The following CD24 variants were observed in gnomAD, a reference collection of about 807,000 sequenced individuals.
CD24 encodes CD24 molecule.
In CD24, 2 loss-of-function variants were observed where a neutral mutation model predicts 3.6. The observed-to-expected ratio is 0.56, with a 90% CI of 0.23 to 1.77. The LOEUF (loss-of-function observed/expected upper bound fraction) is 1.77, where lower values mean the gene tolerates loss of function less well. CD24 is among the 40% of genes most tolerant of loss of function. The probability of loss-of-function intolerance (pLI) is 0.18; values close to 1 mark genes in which losing one functional copy is unlikely to be tolerated. For missense variants in CD24, 62 were observed against 93.6 expected (o/e 0.66, Z 1.39); for synonymous variants, 33 against 44.9 (o/e 0.74, Z 1.06).
chr6:106,973,673 C>T (rs1311951708), intron 1 of CD24: 2 of 398,676 alleles, frequency 5.0e-6, no homozygotes, highest in Admixed American at 4.4e-5. Context: ...AACGTACCTT[C>T]TTCGCCCCCG....
chr6:106,975,862 A>C (rs1305183057), upstream of CD24, among the ~76,000 whole-genome samples: 1 of 152,262 alleles, frequency 6.6e-6, no homozygotes, highest in Non-Finnish European at 1.5e-5. Context: ...CATTCGTTTA[A>C]AGAGCAGAAC....
At chr6:106,974,021 C>T (rs1254950136) in intron 1 of CD24, 1 of 397,626 alleles carries the variant, frequency 2.5e-6, no homozygotes, top group African/African-American at 2.1e-5. Flanking sequence ...CAGCCCGGAA[C>T]CGGGGTTTGT....
chr6:106,973,841 C>T (rs1327849239), intron 1 of CD24: 1 of 398,438 alleles, frequency 2.5e-6, no homozygotes, highest in Non-Finnish European at 4.4e-6. Context: ...TAGCGGCGAC[C>T]CGAACAAAGC....
rs1406803659 is a variant in CD24 at position 106,969,933 on chromosome 6, T to C, written c.*1728A>G. On this transcript the variant is annotated 3_prime_UTR_variant, in exon 2 of 2. Coordinates refer to ENST00000606017, the MANE Select transcript of CD24 (RefSeq NM_001359084.1). Reference sequence around the variant, plus strand: ...AAAGCGTAAATACACAAACACAATATACAATCCAAAATAGATGTACAGCAT... The same window carrying C: ...AAAGCGTAAATACACAAACACAATACACAATCCAAAATAGATGTACAGCAT... The C allele has an allele frequency of 6.6e-6, 1 of 152,410 alleles. No individual in the cohort carries two copies. Among genetic ancestry groups the C allele is most frequent in the African/African-American group, 2.4e-5 (1 of 41,372 alleles). 9.4% of individuals were successfully genotyped at this position (152,410 alleles called of 1,614,324 possible).
At chr6:106,972,144 T>C (rs891364792) in intron 1 of CD24, among the ~76,000 whole-genome samples, 3 of 152,138 alleles carry the variant, frequency 2.0e-5, no homozygotes, top group Non-Finnish European at 4.4e-5. Flanking sequence ...TAATTCAGTT[T>C]CCAAGATTAT....
rs1296128356 is a variant in CD24, at chr6:106,970,158, T to A, written c.*1503A>T. ...AAAGACTTCGGGGAGTGTCTATTTTTAAAAAGGTTTATGTGTGTCGAGGCA... is the reference window on the plus strand; with the variant it reads ...AAAGACTTCGGGGAGTGTCTATTTTAAAAAAGGTTTATGTGTGTCGAGGCA... On this transcript the variant is annotated 3_prime_UTR_variant, in exon 2 of 2. Transcript: ENST00000606017. 4 of 152,450 alleles carry A rather than the reference T, an allele frequency of 2.6e-5. No homozygotes were observed. The highest frequency in any genetic ancestry group is 5.9e-5 in the Non-Finnish European group (4 of 68,044). 9.4% of individuals were successfully genotyped at this position (152,450 alleles called of 1,614,324 possible).
At chr6:106,974,730 G>A (rs1326075566), upstream of CD24, 9 of 1,398,732 alleles carry the variant, frequency 6.4e-6, no homozygotes, top group South Asian at 1.4e-5. Context: ...CAGGCAAGGT[G>A]GGGAGCGCGG....
intron 1 of CD24, 41 bp downstream of exon 1, chr6:106,974,537 C>G (rs1250770965): frequency 8.6e-6 from 11 of 1,279,440 alleles, no homozygotes; most frequent in Non-Finnish European, 7.2e-6. Flanking sequence ...GCCCCCACCC[C>G]GGGAACGGCC....
chr6:106,974,694 G>A lies in CD24; in HGVS notation c.-48C>T, dbSNP rs2114901916. On this transcript the variant is annotated 5_prime_UTR_variant, in exon 1 of 2. Transcript: ENST00000606017. ...GCGTCTAGCAGGATGCTGGGTGCTT[G>A]GAGAACCGCTGGCTCCGGGCGGGCG... The A allele has an allele frequency of 2.0e-6, 3 of 1,482,652 alleles. No individual in the cohort carries two copies. Among genetic ancestry groups the A allele is most frequent in the African/African-American group, 1.5e-5 (1 of 68,610 alleles). The allele number at this position is 1,482,652 out of a possible 1,614,324, so 91.8% of individuals were successfully genotyped here.
chr6:106,973,397 C>T (rs2114899835), intron 1 of CD24: 1 of 359,610 alleles, frequency 2.8e-6, no homozygotes, highest in East Asian at 4.1e-5. Context: ...CCGCGCCCCT[C>T]CCCCATCAAA....
At chr6:106,976,744 G>A (rs1263891943), upstream of CD24, among the ~76,000 whole-genome samples, 1 of 152,080 alleles carries the variant, frequency 6.6e-6, no homozygotes, top group Non-Finnish European at 1.5e-5. Flanking sequence ...GCTCATACCT[G>A]TAATCCCAGC....
Position 106,971,782 on chromosome 6 carries a change from G to C in CD24, c.122C>G (p.Thr41Ser). 2 of 1,551,478 alleles carry C rather than the reference G, an allele frequency of 1.3e-6. No homozygotes were observed. Among genetic ancestry groups the C allele is most frequent in the Non-Finnish European group, 1.7e-6 (2 of 1,146,804 alleles). Reference protein sequence around the residue: ...TGTSSNSSQSTSNSGLAPNPT... With the variant: ...TGTSSNSSQSSSNSGLAPNPT... Reference sequence around the variant, plus strand: ...ATTTGGGGCCAACCCAGAGTTGGAAGTACTCTGGGAGGAGTTACTTGAAGT... The same window carrying C: ...ATTTGGGGCCAACCCAGAGTTGGAACTACTCTGGGAGGAGTTACTTGAAGT... Residue 41 changes from threonine to serine, a missense_variant, in exon 2 of 2, where the codon ACT becomes AGT. Thr to Ser is a moderately conservative substitution (Grantham distance 58). Transcript: ENST00000606017.
At chr6:106,973,674 T>C in intron 1 of CD24, 1 of 398,690 alleles carries the variant, frequency 2.5e-6, no homozygotes. Flanking sequence ...ACGTACCTTC[T>C]TCGCCCCCGC....
chr6:106,973,982 G>A (rs1442485768), intron 1 of CD24: 9 of 398,128 alleles, frequency 2.3e-5, no homozygotes, highest in Non-Finnish European at 4.0e-5. Flanking sequence ...AGAGAGCGCA[G>A]CGTCAGGAGA....
intron 1 of CD24, chr6:106,973,364 T>C (rs1773018916): frequency 3.1e-6 from 1 of 317,918 alleles, no homozygotes; most frequent in Non-Finnish European, 5.7e-6. Context: ...GGGCGGGGAG[T>C]GGAGGGGGCC....
intron 1 of CD24, chr6:106,973,625 C>T (rs1245654386): frequency 2.5e-6 from 1 of 398,372 alleles, no homozygotes; most frequent in African/African-American, 2.1e-5. Flanking sequence ...GCTGGAGAGC[C>T]GTCACTCCCA....
Position 106,970,143 on chromosome 6 carries a change from G to A in CD24, c.*1518C>T, listed in dbSNP as rs2114895916. 3 of 152,584 alleles carry A rather than the reference G, an allele frequency of 2.0e-5. No homozygotes were observed. In the South Asian group the frequency reaches 6.2e-4, roughly 32 times the overall value. 9.5% of individuals were successfully genotyped at this position (152,584 alleles called of 1,614,324 possible). A position where few individuals can be genotyped will look rare whatever the true frequency, so the allele number is the denominator to read the frequency against. On this transcript the variant is annotated 3_prime_UTR_variant, in exon 2 of 2. Coordinates refer to ENST00000606017, the MANE Select transcript of CD24 (RefSeq NM_001359084.1). ...GTGACCATGCGAACAAAAGACTTCG[G>A]GGAGTGTCTATTTTTAAAAAGGTTT...
Position 106,974,565 on chromosome 6 carries a change from G to A in CD24, c.69+13C>T, listed in dbSNP as rs1163363237. ...GAACGGCCCTCGAGCCCCGCCGGGC[G>A]CCAGGGCCTCACCTGCGTGGGTAGG... On this transcript the variant is annotated intron_variant, in intron 1 of 1. Transcript: ENST00000606017. 9 of 1,419,054 alleles carry A rather than the reference G, an allele frequency of 6.3e-6. No homozygotes were observed. Among genetic ancestry groups the A allele is most frequent in the Non-Finnish European group, 8.3e-6 (9 of 1,088,402 alleles). 87.9% of individuals were successfully genotyped at this position (1,419,054 alleles called of 1,614,324 possible).
At chr6:106,973,723 T>C (rs1773030791) in intron 1 of CD24, 1 of 398,356 alleles carries the variant, frequency 2.5e-6, no homozygotes, top group African/African-American at 2.1e-5. Context: ...CCGGTCTCTC[T>C]CGCCGGCGCG....
Sources: gnomAD v4.1 joint callset for allele counts (sites outside exome capture counted in the v4.1 genomes callset) on GRCh38, gnomAD v4.1.1 for gene constraint, MANE v1.5 for transcripts, NCBI Gene and HGNC (gene_info 2026-07-23, HGNC 2026-07-21) for gene names.